Variants in CNGB3 observed in about 807,000 individuals in gnomAD.
CNGB3 encodes cyclic nucleotide gated channel subunit beta 3.
Under a neutral mutation model 92.8 loss-of-function variants are expected in CNGB3, and 86 were observed. The ratio of observed to expected loss-of-function variants is 0.93; its 90% CI spans 0.78 to 1.11. CNGB3 has a LOEUF of 1.11. Among genes scored for constraint, CNGB3 ranks in the 50% least tolerant of loss-of-function variants. The pLI, the probability that CNGB3 is intolerant of heterozygous loss-of-function variation, is 0.00. For missense variants in CNGB3, 1,026 were observed against 956.8 expected, an observed-to-expected ratio of 1.07 and a Z score of -0.95; for synonymous variants, 333 against 332.7, an observed-to-expected ratio of 1.00 and a Z score of -0.01.
chr8:86,655,339 G>A (rs1387771025), intron 6 of CNGB3, among the ~76,000 whole-genome samples: 1 of 152,120 alleles, frequency 6.6e-6, no homozygotes, highest in African/African-American at 2.4e-5. Context: ...AAGGAAAAAA[G>A]TGCAAGCACC....
In CNGB3 at chr8:86,645,328, A is replaced by G. The variant is rs531051001; in HGVS notation, c.991-642T>C. Among the ~76,000 whole-genome samples the G allele has an allele frequency of 5.8e-4, 87 of 151,158 alleles. 1 individual carries two copies. The highest frequency in any genetic ancestry group is 1.6e-3 in the African/African-American group (68 of 41,380). ...CATGCACTCCTACTTCCTACTTCCT[A>G]CTTCCTACTTCCTCTTTTGTTTCTA... is the stretch of plus-strand genomic sequence containing the variant. On this transcript the variant is annotated intron_variant, in intron 8 of 17. Transcript: ENST00000320005.
At position 86,598,005 on chromosome 8, in the gene CNGB3, TAAAATTAAAA is replaced by T. The variant is rs1437197426; in HGVS notation, c.1781+6078_1781+6087del. ...ATAAATAAAATAAAATAAAATAAAA[TAAAATTAAAA>T]TAAAATAAAATAAAGAGAGCAAGGC... is the stretch of plus-strand genomic sequence containing the variant. On this transcript the variant is annotated intron_variant, in intron 15 of 17. Transcript: ENST00000320005. 5.0e-3 allele frequency among the ~76,000 whole-genome samples: 758 copies of T among 151,136 alleles called. 4 individuals carry two copies. The highest frequency in any genetic ancestry group is 0.018 in the African/African-American group (725 of 41,034).
At chr8:86,734,305 A>G (rs968195439) in intron 2 of CNGB3, among the ~76,000 whole-genome samples, 6 of 152,168 alleles carry the variant, frequency 3.9e-5, no homozygotes, top group Admixed American at 1.3e-4. Context: ...ACCTCTGTAG[A>G]TCTGGAATTG....
Position 86,574,893 on chromosome 8 carries a change from C to T in CNGB3, c.*911G>A, listed in dbSNP as rs1198630597. Reference sequence around the variant, plus strand: ...AAATTGTGGGGATATGTCAATCTGACATGTGTAGAGTCTGCCTTCCTAACC... The same window carrying T: ...AAATTGTGGGGATATGTCAATCTGATATGTGTAGAGTCTGCCTTCCTAACC... On this transcript the variant is annotated 3_prime_UTR_variant, in exon 18 of 18. Transcript: ENST00000320005. The T allele has an allele frequency of 1.3e-5, 2 of 152,070 alleles. No homozygotes were observed. The highest frequency in any genetic ancestry group is 4.8e-5 in the African/African-American group (2 of 41,392). The allele number at this position is 152,070 out of a possible 1,614,324, so 9.4% of individuals were successfully genotyped here.
At chr8:86,590,974 C>T (rs1057351794) in intron 15 of CNGB3, among the ~76,000 whole-genome samples, 4 of 152,044 alleles carry the variant, frequency 2.6e-5, no homozygotes, top group African/African-American at 7.2e-5. Context: ...CTTTCAGGTA[C>T]ACCAATCAGA....
In CNGB3 at chr8:86,723,121, A is replaced by G. The variant is rs142356477; in HGVS notation, c.338+3410T>C. ...CAAACAGAGCAGAAACTAAGGGTGT[A>G]ATCAATAATATCAAACTGTACTTCT... On this transcript the variant is annotated intron_variant, in intron 3 of 17. Transcript: ENST00000320005. Among the ~76,000 whole-genome samples the G allele has an allele frequency of 2.2e-3, 339 of 152,190 alleles. 3 individuals carry two copies. The highest frequency in any genetic ancestry group is 7.5e-3 in the African/African-American group (312 of 41,524).
rs151100604 is a variant in CNGB3, at chr8:86,650,545, G to T, written c.904-2658C>A. On this transcript the variant is annotated intron_variant, in intron 7 of 17. Coordinates refer to ENST00000320005, the MANE Select transcript of CNGB3 (RefSeq NM_019098.5). The stretch of plus-strand genomic sequence containing the variant: ...AAAATAATGTATTAAAAATAAAAAA[G>T]CAGACACACTGTCTGCTTTTTAGTG... Among the ~76,000 whole-genome samples the T allele has an allele frequency of 3.7e-3, 556 of 151,438 alleles. 4 individuals are homozygous for T. Among genetic ancestry groups the T allele is most frequent in the African/African-American group, 0.012 (506 of 41,396 alleles).
intron 2 of CNGB3, among the ~76,000 whole-genome samples, chr8:86,729,836 T>C (rs1180741715): frequency 1.3e-5 from 2 of 152,208 alleles, no homozygotes; most frequent in Admixed American, 1.3e-4. Flanking sequence ...AACGGCACAT[T>C]GTGATTCTTC....
In CNGB3 at chr8:86,578,764, A is replaced by G. The variant is rs1440281201; in HGVS notation, c.2028T>C (p.Phe676=). ...FPPKEETPKL[F]KTLLGGTGKA... ...TTCCTGTGCCTCCTAGGAGAGTTTTAAACAGTTTGGGTGTCTCTTCTTTCG... is the reference window on the plus strand; with the variant it reads ...TTCCTGTGCCTCCTAGGAGAGTTTTGAACAGTTTGGGTGTCTCTTCTTTCG... The change falls in exon 17 of 18, where the codon TTT becomes TTC. Residue 676 remains phenylalanine (F), a synonymous_variant. Transcript: ENST00000320005. 1 of 1,613,926 alleles carries G rather than the reference A, an allele frequency of 6.2e-7. No individual in the cohort carries two copies. The highest frequency in any genetic ancestry group is 8.5e-7 in the Non-Finnish European group (1 of 1,179,992).
At chr8:86,661,311 G>C in intron 6 of CNGB3, 1 of 378,560 alleles carries the variant, frequency 2.6e-6, no homozygotes, top group Non-Finnish European at 5.4e-6. Context: ...TGTCATTTAC[G>C]AGTTCCACTG....
intron 3 of CNGB3, among the ~76,000 whole-genome samples, chr8:86,712,024 A>C (rs1248647879): frequency 1.3e-5 from 2 of 152,050 alleles, no homozygotes; most frequent in African/African-American, 4.8e-5. Flanking sequence ...TTAGGCTATC[A>C]ATTAAAGTAC....
rs149119556 is a variant in CNGB3 at position 86,578,856 on chromosome 8, A to G, written c.1936T>C (p.Leu646=). ...TCTGCGGTCTTAGCCTTCTGCTTTA[A>G]AAGCACTCTGTGGGTAAGAGAGAAA... is the stretch of plus-strand genomic sequence containing the variant. ...RILMKKARVL[L]KQKAKTAEAT... The change falls in exon 17 of 18, where the codon TTA becomes CTA. Residue 646 remains leucine, a synonymous_variant. Transcript: ENST00000320005. The G allele has an allele frequency of 7.6e-5, 122 of 1,614,190 alleles. No homozygotes were observed. In the African/African-American group the frequency reaches 1.1e-3, roughly 14 times the overall value.
chr8:86,693,797 G>T (rs1824369455), intron 3 of CNGB3, among the ~76,000 whole-genome samples: 1 of 150,884 alleles, frequency 6.6e-6, no homozygotes, highest in Admixed American at 6.6e-5. Context: ...CAAGGCAGAA[G>T]AATTTTTCTT....
chr8:86,690,409 GT>G (rs1477365843), intron 3 of CNGB3, among the ~76,000 whole-genome samples: 1 of 152,010 alleles, frequency 6.6e-6, no homozygotes, highest in Non-Finnish European at 1.5e-5. Flanking sequence ...TGATGGGGTT[GT>G]TTTTTTCTTG....
chr8:86,676,585 G>T (rs2131623805), intron 3 of CNGB3, among the ~76,000 whole-genome samples: 1 of 152,280 alleles, frequency 6.6e-6, no homozygotes, highest in South Asian at 2.1e-4. Context: ...TAAGGAGGAA[G>T]TGTGACTTGA....
chr8:86,679,314 T>A (rs556941445), intron 3 of CNGB3, among the ~76,000 whole-genome samples: 31 of 152,272 alleles, frequency 2.0e-4, no homozygotes, highest in African/African-American at 7.2e-4. Flanking sequence ...TTTATTGATG[T>A]TTTCTTTATT....
chr8:86,676,983 A>T (rs531455229), intron 3 of CNGB3, among the ~76,000 whole-genome samples: 12 of 152,124 alleles, frequency 7.9e-5, no homozygotes, highest in Admixed American at 4.6e-4. Context: ...AACAGTATGA[A>T]TTTTTTTTAA....
intron 6 of CNGB3, chr8:86,657,791 G>A (rs567311517): frequency 2.0e-6 from 1 of 496,254 alleles, no homozygotes; most frequent in South Asian, 1.6e-5. Context: ...CCTTGTCCTG[G>A]GCCAGGCTGC....
At chr8:86,705,460 G>A (rs912686369) in intron 3 of CNGB3, among the ~76,000 whole-genome samples, 1 of 152,022 alleles carries the variant, frequency 6.6e-6, no homozygotes, top group Non-Finnish European at 1.5e-5. Flanking sequence ...CTGTGAATAT[G>A]TTACATTACA....
Sources: gnomAD v4.1 joint callset for allele counts (sites outside exome capture counted in the v4.1 genomes callset) on GRCh38, gnomAD v4.1.1 for gene constraint, MANE v1.5 for transcripts, NCBI Gene and HGNC (gene_info 2026-07-23, HGNC 2026-07-21) for gene names.